Variants in KIAA1217 observed in about 807,000 individuals in gnomAD.
The protein encoded by KIAA1217 is KIAA1217.
A neutral mutation model predicts 163.9 loss-of-function variants in KIAA1217; 88 were observed. The ratio of observed to expected loss-of-function variants is 0.54; its 90% CI spans 0.45 to 0.64. The LOEUF (loss-of-function observed/expected upper bound fraction) is 0.64. Ranked by LOEUF, KIAA1217 falls within the 30% of genes least tolerant of loss-of-function variation. The pLI is 0.00. For synonymous variants in KIAA1217, 903 were observed against 923.1 expected (o/e 0.98, Z 0.39); for missense variants, 2,372 against 2,475.0 (o/e 0.96, Z 0.88).
intron 1 of KIAA1217, among the ~76,000 whole-genome samples, chr10:23,897,321 C>T (rs568849827): frequency 3.5e-4 from 54 of 152,154 alleles, no homozygotes; most frequent in Non-Finnish European, 7.4e-4. Flanking sequence ...GCCGCAGCAA[C>T]CCAAGTTGTC....
intron 2 of KIAA1217, among the ~76,000 whole-genome samples, chr10:24,009,160 C>A (rs1462060881): frequency 2.0e-5 from 3 of 152,136 alleles, no homozygotes; most frequent in Non-Finnish European, 4.4e-5. Context: ...TAAAATAAAG[C>A]TGGAAATTCA....
intron 1 of KIAA1217, among the ~76,000 whole-genome samples, chr10:23,991,855 T>C (rs1388817618): frequency 6.6e-6 from 1 of 152,120 alleles, no homozygotes; most frequent in African/African-American, 2.4e-5. Flanking sequence ...GGATTCATGA[T>C]AGGAAGTAGC....
chr10:24,333,088 C>A lies in KIAA1217; in HGVS notation c.355-47781C>A, dbSNP rs575720406. On this transcript the variant is annotated intron_variant, in intron 2 of 20. Transcript: ENST00000376454. ...CCAGGCTGGAGCGGGGTGGTGTGAT[C>A]TCGGCTCACTGCAACCTCTGCCTCC... Among the ~76,000 whole-genome samples the A allele has an allele frequency of 1.9e-4, 29 of 151,564 alleles. No homozygotes were observed. In the Middle Eastern group the frequency reaches 0.01, roughly 54 times the overall value.
chr10:23,853,806 G>A (rs529697602), intron 1 of KIAA1217, among the ~76,000 whole-genome samples: 1 of 152,276 alleles, frequency 6.6e-6, no homozygotes, highest in East Asian at 1.9e-4. Flanking sequence ...TTGCGTAGAG[G>A]TGTTTATAGC....
intron 3 of KIAA1217, among the ~76,000 whole-genome samples, chr10:24,406,578 T>C (rs1420020254): frequency 6.6e-6 from 1 of 152,226 alleles, no homozygotes; most frequent in Admixed American, 6.5e-5. Flanking sequence ...CTCCAGTTTA[T>C]ACAATTGAAA....
At chr10:23,848,936 ATTAAC>A (rs1245985974) in intron 1 of KIAA1217, among the ~76,000 whole-genome samples, 2 of 152,118 alleles carry the variant, frequency 1.3e-5, no homozygotes, top group African/African-American at 2.4e-5. Context: ...GCTTTGAGTT[ATTAAC>A]TTAATATATT....
intron 1 of KIAA1217, among the ~76,000 whole-genome samples, chr10:23,744,663 G>A (rs1308909285): frequency 6.6e-6 from 1 of 152,222 alleles, no homozygotes; most frequent in East Asian, 1.9e-4. Context: ...ATCAGTCTTA[G>A]TTATTAAAAG....
intron 2 of KIAA1217, among the ~76,000 whole-genome samples, chr10:24,135,585 A>T (rs893003331): frequency 6.6e-6 from 1 of 151,990 alleles, no homozygotes; most frequent in African/African-American, 2.4e-5. Flanking sequence ...TTTAAGGAGG[A>T]CAGAGCTAGA....
chr10:23,756,674 T>C (rs1297459883), intron 1 of KIAA1217, among the ~76,000 whole-genome samples: 1 of 152,228 alleles, frequency 6.6e-6, no homozygotes, highest in Non-Finnish European at 1.5e-5. Flanking sequence ...TTAAAATATA[T>C]AACAGTCCTT....
intron 12 of KIAA1217, among the ~76,000 whole-genome samples, chr10:24,523,952 A>AGGAATTAGAATGTG (rs2071699843): frequency 6.6e-6 from 1 of 152,220 alleles, no homozygotes; most frequent in Admixed American, 6.5e-5. Flanking sequence ...AGCAAACAGA[A>AGGAATTAGAATGTG]GGAATTAGAA....
chr10:24,333,006 G>A (rs996161920), intron 2 of KIAA1217, among the ~76,000 whole-genome samples: 2 of 152,106 alleles, frequency 1.3e-5, no homozygotes, highest in Non-Finnish European at 2.9e-5. Flanking sequence ...GCAGGGCAGA[G>A]TATGTACTGT....
At chr10:24,256,697 T>TA (rs1160444210) in intron 2 of KIAA1217, among the ~76,000 whole-genome samples, 3 of 152,344 alleles carry the variant, frequency 2.0e-5, no homozygotes, top group African/African-American at 7.2e-5. Context: ...TTTGTGTGTG[T>TA]GTGTGTCTGT....
chr10:24,251,722 A>G (rs2074565287), intron 2 of KIAA1217, among the ~76,000 whole-genome samples: 1 of 151,960 alleles, frequency 6.6e-6, no homozygotes, highest in Non-Finnish European at 1.5e-5. Context: ...TCCCTTTCCT[A>G]GGGGCACTGT....
At chr10:23,902,648 TAGTC>T (rs1242615988) in intron 1 of KIAA1217, among the ~76,000 whole-genome samples, 1 of 152,112 alleles carries the variant, frequency 6.6e-6, no homozygotes, top group Non-Finnish European at 1.5e-5. Context: ...GAGCTTATAC[TAGTC>T]AGTCCAGTAA....
intron 1 of KIAA1217, among the ~76,000 whole-genome samples, chr10:23,787,746 C>A (rs764348415): frequency 6.6e-6 from 1 of 152,130 alleles, no homozygotes; most frequent in Non-Finnish European, 1.5e-5. Context: ...TCTGATATTT[C>A]TTTTCTAAAC....
chr10:23,922,319 T>C (rs944624157), intron 1 of KIAA1217, among the ~76,000 whole-genome samples: 1 of 152,210 alleles, frequency 6.6e-6, no homozygotes, highest in African/African-American at 2.4e-5. Flanking sequence ...CATCTGACCG[T>C]TCATTTGTAT....
intron 3 of KIAA1217, among the ~76,000 whole-genome samples, chr10:24,412,449 A>C (rs1056699248): frequency 1.3e-5 from 2 of 152,202 alleles, no homozygotes; most frequent in Admixed American, 1.3e-4. Flanking sequence ...GGACCCATCC[A>C]TTGATGCCTT....
chr10:23,793,169 C>T (rs16923858), intron 1 of KIAA1217, among the ~76,000 whole-genome samples: 27,483 of 151,966 alleles, frequency 0.18, 2,607 homozygotes, highest in Middle Eastern at 0.27. Flanking sequence ...GCTTCAGTCC[C>T]GTTCCTGTGT....
In KIAA1217 at chr10:23,751,304, A is replaced by G. The variant is rs529165176; in HGVS notation, c.-321+56070A>G. ...CGGCCTTCCAAAGTGCTGGGATTAC[A>G]GGTGTGAGCCACCGTGCCTGGCGAG... On this transcript the variant is annotated intron_variant, in intron 1 of 18. Coordinates refer to the KIAA1217 transcript ENST00000376462. Among the ~76,000 whole-genome samples, 20 of 152,322 alleles carry G rather than the reference A, an allele frequency of 1.3e-4. 1 individual carries two copies. The highest frequency in any genetic ancestry group is 4.8e-4 in the African/African-American group (20 of 41,570).
Sources: gnomAD v4.1 joint callset for allele counts (sites outside exome capture counted in the v4.1 genomes callset) on GRCh38, gnomAD v4.1.1 for gene constraint, MANE v1.5 for transcripts, NCBI Gene and HGNC (gene_info 2026-07-23, HGNC 2026-07-21) for gene names.